The following KLF8 variants were observed in gnomAD, a reference collection of about 807,000 sequenced individuals.
KLF8 encodes the protein Krueppel-like factor 8.
Under a neutral mutation model 18.2 loss-of-function variants are expected in KLF8, and 10 were observed. The ratio of observed to expected loss-of-function variants is 0.55; its 90% CI spans 0.34 to 0.93. KLF8 has a LOEUF of 0.93. KLF8 is among the 40% of genes least tolerant of loss of function. The pLI is 0.02. For missense variants in KLF8, 264 were observed against 277.9 expected (o/e 0.95, Z 0.36); for synonymous variants, 109 against 97.3 (o/e 1.12, Z -0.71).
chrX:55,930,229 A>AT, the KLF8 span, among the ~76,000 whole-genome samples: 1 of 111,708 alleles, frequency 9.0e-6, no homozygotes, highest in Admixed American at 9.5e-5. Context: ...TTGCACATTG[A>AT]TTTTTTATCC....
At chrX:56,244,066 A>G (rs2147586970) in intron 1 of KLF8, among the ~76,000 whole-genome samples, 1 of 111,911 alleles carries the variant, frequency 8.9e-6, no homozygotes, top group East Asian at 2.8e-4. Context: ...TACCCAGGTA[A>G]TTTCATTATA....
At chrX:55,984,565 A>C in the KLF8 span, among the ~76,000 whole-genome samples, 6 of 111,246 alleles carry the variant, frequency 5.4e-5, no homozygotes, top group African/African-American at 9.8e-5. Context: ...TGCTATTATG[A>C]ATAGTGCTGC....
the KLF8 span, among the ~76,000 whole-genome samples, chrX:56,176,242 G>A: frequency 1.3e-3 from 147 of 111,806 alleles, no homozygotes; most frequent in Non-Finnish European, 2.2e-3. Flanking sequence ...GGCTGGTACC[G>A]GTTGTTCCTT....
At chrX:56,135,279 T>G in the KLF8 span, among the ~76,000 whole-genome samples, 1 of 111,407 alleles carries the variant, frequency 9.0e-6, no homozygotes, top group Admixed American at 9.6e-5. Flanking sequence ...CTATTAACAA[T>G]AGCAAAGACT....
the KLF8 span, among the ~76,000 whole-genome samples, chrX:55,999,529 T>A: frequency 9.2e-6 from 1 of 109,255 alleles, no homozygotes; most frequent in Non-Finnish European, 1.9e-5. Flanking sequence ...TGTTTTGTAG[T>A]TCTTCCAGTC....
At chrX:55,993,892 T>C in the KLF8 span, among the ~76,000 whole-genome samples, 1 of 108,467 alleles carries the variant, frequency 9.2e-6, no homozygotes, top group South Asian at 3.9e-4. Context: ...CTACATTTTC[T>C]AGTTGGTGTT....
the KLF8 span, among the ~76,000 whole-genome samples, chrX:56,174,329 C>T: frequency 9.0e-6 from 1 of 111,627 alleles, no homozygotes; most frequent in East Asian, 2.8e-4. Context: ...TTGTCAAAGG[C>T]CTTTTCTGCA....
the KLF8 span, among the ~76,000 whole-genome samples, chrX:56,006,205 ATCTG>A: frequency 8.9e-6 from 1 of 112,090 alleles, no homozygotes. Context: ...TGCTCCTACT[ATCTG>A]TCTAAGTCGC....
chrX:56,086,962 G>C, the KLF8 span, among the ~76,000 whole-genome samples: 1 of 111,482 alleles, frequency 9.0e-6, no homozygotes, highest in Non-Finnish European at 1.9e-5. Flanking sequence ...TGGGAGACTA[G>C]AGCTCAAGAG....
chrX:56,188,199 C>A, the KLF8 span, among the ~76,000 whole-genome samples: 1 of 111,161 alleles, frequency 9.0e-6, no homozygotes, highest in Non-Finnish European at 1.9e-5. Flanking sequence ...AATCAATGTA[C>A]AAAAATCACA....
At chrX:55,997,010 G>T in the KLF8 span, among the ~76,000 whole-genome samples, 1 of 112,089 alleles carries the variant, frequency 8.9e-6, no homozygotes, top group African/African-American at 3.2e-5. Flanking sequence ...CAAAGCAGTG[G>T]GGGGAGGCTG....
chrX:56,254,843 GA>G (rs1249363665), intron 2 of KLF8, among the ~76,000 whole-genome samples: 2 of 111,076 alleles, frequency 1.8e-5, no homozygotes, highest in Non-Finnish European at 3.8e-5. Context: ...ATGGGCACAG[GA>G]TAGGGGGCAG....
At chrX:56,204,417 G>T in the KLF8 span, among the ~76,000 whole-genome samples, 23 of 111,003 alleles carry the variant, frequency 2.1e-4, no homozygotes, top group Admixed American at 1.1e-3. Context: ...TTTATATTCT[G>T]CTCTTTTCTG....
At chrX:56,095,391 T>G in the KLF8 span, among the ~76,000 whole-genome samples, 1 of 112,458 alleles carries the variant, frequency 8.9e-6, no homozygotes, top group African/African-American at 3.2e-5. Context: ...CAGGAAAAAC[T>G]CTTTTGGACA....
chrX:56,005,512 G>A, the KLF8 span, among the ~76,000 whole-genome samples: 1 of 111,815 alleles, frequency 8.9e-6, no homozygotes, highest in African/African-American at 3.3e-5. Flanking sequence ...GATTGCAGCA[G>A]CAATATTGGC....
rs1253720129 is a variant in KLF8, at chrX:56,289,152, G to A, written c.*4658G>A. Among the ~76,000 whole-genome samples, 1 of 111,647 alleles carries A rather than the reference G, an allele frequency of 9.0e-6. No individual in the cohort carries two copies. Among genetic ancestry groups the A allele is most frequent in the African/African-American group, 3.3e-5 (1 of 30,705 alleles). On this transcript the variant is annotated 3_prime_UTR_variant, in exon 6 of 6. Transcript: ENST00000468660. ...CTCATGGGTATTTATTTTATACTTC[G>A]AGTTATAATCTAATACTACTACTTT...
At chrX:56,273,027 A>C in intron 5 of KLF8, among the ~76,000 whole-genome samples, 1 of 111,624 alleles carries the variant, frequency 9.0e-6, no homozygotes. Flanking sequence ...CCACTCTCAA[A>C]TATCTGTATA....
chrX:56,074,024 A>G, the KLF8 span, among the ~76,000 whole-genome samples: 2 of 112,094 alleles, frequency 1.8e-5, no homozygotes, highest in Non-Finnish European at 3.8e-5. Flanking sequence ...CTGGAATTAC[A>G]GGAGTGAGCC....
At position 56,288,305 on chromosome X, in the gene KLF8, C is replaced by T. The variant is rs990916394; in HGVS notation, c.*3811C>T. ...CACATTACATCTAATAGTCATATCT[C>T]CTTAGGATCCTTTTGATTGTGACAG... On this transcript the variant is annotated 3_prime_UTR_variant, in exon 6 of 6. Coordinates refer to ENST00000468660, the MANE Select transcript of KLF8 (RefSeq NM_007250.5). 1.8e-5 allele frequency among the ~76,000 whole-genome samples: 2 copies of T among 110,958 alleles called. No homozygotes were observed. Among genetic ancestry groups the T allele is most frequent in the Non-Finnish European group, 3.8e-5 (2 of 52,949 alleles).
Sources: allele counts gnomAD v4.1 joint callset (sites outside exome capture counted in the v4.1 genomes callset), GRCh38; gene constraint gnomAD v4.1.1; transcripts MANE v1.5; gene names NCBI Gene and HGNC (gene_info 2026-07-23, HGNC 2026-07-21).